Variants in CTNNA2 observed in about 807,000 individuals in gnomAD.
The protein encoded by CTNNA2 is catenin alpha 2, also known as catenin alpha-2.
A neutral mutation model predicts 101.0 loss-of-function variants in CTNNA2; 42 were observed. The observed-to-expected ratio is 0.42, with a 90% CI of 0.32 to 0.54. The LOEUF (loss-of-function observed/expected upper bound fraction) is 0.54. CTNNA2 is among the 20% of genes least tolerant of loss of function. The probability of loss-of-function intolerance (pLI) is 0.14; values close to 1 mark genes in which losing one functional copy is unlikely to be tolerated. For missense variants in CTNNA2, 871 were observed against 1,223.1 expected, an observed-to-expected ratio of 0.71 and a Z score of 4.29; for synonymous variants, 450 against 456.4, an observed-to-expected ratio of 0.99 and a Z score of 0.18.
intron 1 of CTNNA2, among the ~76,000 whole-genome samples, chr2:79,618,725 C>T (rs1223335791): frequency 1.3e-5 from 2 of 152,128 alleles, no homozygotes; most frequent in African/African-American, 4.8e-5. Flanking sequence ...ATATTCACTT[C>T]GTAATTCTGA....
intron 3 of CTNNA2, among the ~76,000 whole-genome samples, chr2:79,772,688 C>G (rs1337570964): frequency 3.3e-5 from 5 of 152,188 alleles, no homozygotes; most frequent in African/African-American, 9.6e-5. Flanking sequence ...TTCTCCTGCC[C>G]AGTCACCAGA....
chr2:80,586,044 G>T (rs187331851), intron 14 of CTNNA2, among the ~76,000 whole-genome samples: 336 of 152,256 alleles, frequency 2.2e-3, no homozygotes, highest in African/African-American at 7.2e-3. Flanking sequence ...TCCTTAGAAT[G>T]TGTGTGTCCG....
At chr2:79,841,166 C>T (rs1408990687) in intron 3 of CTNNA2, among the ~76,000 whole-genome samples, 5 of 152,156 alleles carry the variant, frequency 3.3e-5, no homozygotes, top group Non-Finnish European at 5.9e-5. Context: ...GCGATATCAA[C>T]TCACTGCAAC....
intron 1 of CTNNA2, among the ~76,000 whole-genome samples, chr2:79,521,173 T>G (rs1230989353): frequency 7.8e-6 from 1 of 127,488 alleles, no homozygotes; most frequent in African/African-American, 3.0e-5. Context: ...TATATAAATT[T>G]TAAGGTGCGC....
At chr2:79,246,780 A>T (rs975290891) in intron 2 of CTNNA2, among the ~76,000 whole-genome samples, 1 of 152,272 alleles carries the variant, frequency 6.6e-6, no homozygotes. Context: ...AATTGAGCCC[A>T]TGAGCTTGAA....
intron 4 of CTNNA2, among the ~76,000 whole-genome samples, chr2:79,452,608 C>T (rs920323677): frequency 6.6e-5 from 10 of 151,984 alleles, no homozygotes; most frequent in African/African-American, 2.4e-4. Context: ...TTTGGAAAAG[C>T]ACACATCATC....
intron 11 of CTNNA2, among the ~76,000 whole-genome samples, chr2:80,552,477 A>C (rs1486580151): frequency 6.6e-6 from 1 of 152,210 alleles, no homozygotes; most frequent in Non-Finnish European, 1.5e-5. Flanking sequence ...AACTACTATC[A>C]TGAAGAAACT....
At chr2:79,816,997 T>C (rs1406744672) in intron 3 of CTNNA2, among the ~76,000 whole-genome samples, 1 of 150,736 alleles carries the variant, frequency 6.6e-6, no homozygotes, top group African/African-American at 2.4e-5. Flanking sequence ...ATTTTGTTTC[T>C]TTTTTTTTAT....
intron 1 of CTNNA2, among the ~76,000 whole-genome samples, chr2:79,591,679 C>A (rs1297638832): frequency 3.3e-5 from 5 of 152,070 alleles, no homozygotes; most frequent in Admixed American, 2.0e-4. Flanking sequence ...TTTCTGAGCC[C>A]AGAAGACCAA....
rs139357544 is a variant in CTNNA2, at chr2:80,305,497, C to G, written c.1057-87714C>G. ...TTACTGGGCCCTGCAGTGCACCCCA[C>G]TCCAAGAGAGTGTGAATGTGTAGGG... On this transcript the variant is annotated intron_variant, in intron 7 of 18. Coordinates refer to ENST00000402739, the MANE Select transcript of CTNNA2 (RefSeq NM_001282597.3). Among the ~76,000 whole-genome samples, 11 of 152,102 alleles carry G rather than the reference C, an allele frequency of 7.2e-5. 1 individual carries two copies. The East Asian group carries it at 2.1e-3, about 30-fold the overall frequency.
rs147221012 is a variant in CTNNA2, at chr2:79,891,235, C to G, written c.852+16893C>G. ...GGGTTTCCTAAGATATTTTCTGTGCCTACCAAAACTGACCAGATTTGCATG... is the reference window on the plus strand; with the variant it reads ...GGGTTTCCTAAGATATTTTCTGTGCGTACCAAAACTGACCAGATTTGCATG... On this transcript the variant is annotated intron_variant, in intron 6 of 18. Transcript: ENST00000402739. Among the ~76,000 whole-genome samples, 1,070 of 152,062 alleles carry G rather than the reference C, an allele frequency of 7.0e-3. 31 individuals carry two copies. The highest frequency in any genetic ancestry group is 0.063 in the Admixed American group (955 of 15,256).
chr2:79,693,631 G>A (rs1684468407), intron 2 of CTNNA2, among the ~76,000 whole-genome samples: 1 of 151,914 alleles, frequency 6.6e-6, no homozygotes, highest in Non-Finnish European at 1.5e-5. Context: ...CGTGTGAGAA[G>A]GTAAAAGCTG....
intron 6 of CTNNA2, among the ~76,000 whole-genome samples, chr2:79,899,532 T>G (rs570040603): frequency 2.6e-5 from 4 of 152,304 alleles, no homozygotes; most frequent in East Asian, 1.9e-4. Context: ...AAATATAAGC[T>G]TCTTCTCAAA....
In CTNNA2 at chr2:79,858,136, C is replaced by G. The variant is rs756543455; in HGVS notation, c.422C>G (p.Ala141Gly). 6.2e-7 allele frequency: 1 copy of G among 1,613,886 alleles called. No homozygotes were observed. The highest frequency in any genetic ancestry group is 1.3e-5 in the African/African-American group (1 of 75,042). ...GCGGTGACACGCTTACTCATCCTGGCGGACATGGCAGATGTCATGAGACTT... is the reference window on the plus strand; with the variant it reads ...GCGGTGACACGCTTACTCATCCTGGGGGACATGGCAGATGTCATGAGACTT... ...LSAVTRLLILADMADVMRLLS... is the reference protein window; with the variant it reads ...LSAVTRLLILGDMADVMRLLS... The change falls in exon 4 of 19, where the codon GCG becomes GGG. Residue 141 changes from alanine (A) to glycine (G), a missense_variant. By Grantham distance (60) the Ala-to-Gly change is moderately conservative. Around this residue, in one of 5 missense-constraint regions of CTNNA2, gnomAD observed 647 missense variants for 831.5 expected, o/e 0.78. Transcript: ENST00000402739.
chr2:79,429,172 A>G (rs1446757302), intron 4 of CTNNA2, among the ~76,000 whole-genome samples: 3 of 152,174 alleles, frequency 2.0e-5, no homozygotes, highest in Non-Finnish European at 4.4e-5. Flanking sequence ...AGAATATTTC[A>G]TTGTGTACAC....
chr2:79,704,384 G>C (rs999062371), intron 2 of CTNNA2, among the ~76,000 whole-genome samples: 1 of 152,002 alleles, frequency 6.6e-6, no homozygotes, highest in Non-Finnish European at 1.5e-5. Flanking sequence ...TTGTGTGATC[G>C]ATGTTAAACT....
chr2:80,559,215 T>C (rs769840558), intron 12 of CTNNA2, among the ~76,000 whole-genome samples: 32 of 152,356 alleles, frequency 2.1e-4, no homozygotes, highest in South Asian at 8.3e-4. Flanking sequence ...GGAGCCCATG[T>C]ACTGTGGACA....
At chr2:80,551,788 T>C (rs896628759) in intron 11 of CTNNA2, among the ~76,000 whole-genome samples, 2 of 152,242 alleles carry the variant, frequency 1.3e-5, no homozygotes, top group African/African-American at 4.8e-5. Flanking sequence ...TTCATTTTCT[T>C]ATCTGGGTGT....
chr2:80,504,706 A>G (rs534191575), intron 9 of CTNNA2, among the ~76,000 whole-genome samples: 3 of 152,270 alleles, frequency 2.0e-5, no homozygotes, highest in Non-Finnish European at 4.4e-5. Context: ...AATTGTAATC[A>G]TACTTAGCTC....
Sources: allele counts gnomAD v4.1 joint callset (sites outside exome capture counted in the v4.1 genomes callset), GRCh38; gene constraint gnomAD v4.1.1; regional missense constraint gnomAD v4.1.1; transcripts MANE v1.5; gene names NCBI Gene and HGNC (gene_info 2026-07-23, HGNC 2026-07-21).